DGLUCY: variants seen among roughly 807,000 people sequenced by gnomAD.
The protein encoded by DGLUCY is D-glutamate cyclase, mitochondrial.
DGLUCY carries 58 observed loss-of-function variants against 58.5 expected under a neutral mutation model. The ratio of observed to expected loss-of-function variants is 0.99; its 90% confidence interval spans 0.80 to 1.23. DGLUCY has a LOEUF of 1.23. Among genes scored for constraint, DGLUCY ranks in the 50% most tolerant of loss-of-function variants. The pLI, the probability that DGLUCY is intolerant of heterozygous loss-of-function variation, is 0.00. For synonymous variants in DGLUCY, 325 were observed against 314.1 expected, an observed-to-expected ratio of 1.03 and a Z score of -0.37; for missense variants, 779 against 784.7, an observed-to-expected ratio of 0.99 and a Z score of 0.09.
At chr14:91,182,955 A>T (rs1469023228) in intron 8 of DGLUCY, among the ~76,000 whole-genome samples, 2 of 145,620 alleles carry the variant, frequency 1.4e-5, no homozygotes, top group African/African-American at 5.1e-5. Context: ...ATTTTTATTT[A>T]TTTTTATTTT....
At chr14:91,134,461 A>G (rs1291393019) in intron 1 of DGLUCY, among the ~76,000 whole-genome samples, 1 of 149,894 alleles carries the variant, frequency 6.7e-6, no homozygotes, top group Non-Finnish European at 1.5e-5. Flanking sequence ...TTTCTGGGAT[A>G]GAGTCTCCAT....
At chr14:91,139,108 AT>A (rs2046505560) in intron 1 of DGLUCY, among the ~76,000 whole-genome samples, 1 of 152,296 alleles carries the variant, frequency 6.6e-6, no homozygotes, top group East Asian at 1.9e-4. Flanking sequence ...AAGTTCCACT[AT>A]CTGCCATCTG....
chr14:91,110,046 C>T (rs948323498), upstream of DGLUCY, among the ~76,000 whole-genome samples: 1 of 152,174 alleles, frequency 6.6e-6, no homozygotes, highest in African/African-American at 2.4e-5. Flanking sequence ...AATTTCTTTT[C>T]TTTTTTTCCC....
At chr14:91,086,776 C>G (rs1455535686) in intron 1 of DGLUCY, among the ~76,000 whole-genome samples, 1 of 152,046 alleles carries the variant, frequency 6.6e-6, no homozygotes, top group Non-Finnish European at 1.5e-5. Flanking sequence ...AATTTTGAGA[C>G]AGAGTTTCAC....
intron 1 of DGLUCY, among the ~76,000 whole-genome samples, chr14:91,108,487 T>TTGTGTGTGTGTGTGTG (rs34711327): frequency 1.3e-5 from 1 of 74,936 alleles, no homozygotes; most frequent in African/African-American, 5.7e-5. Context: ...CTTGAAGAAT[T>TTGTGTGTGTGTGTGTG]TGTGTGTGTG....
In DGLUCY at chr14:91,128,740, G is replaced by T. The variant is rs2045865423; in HGVS notation, c.-82+14457G>T. ...AGCTCTAGGCTCACAGTGCATTTATGTCTAGCAATCCTCTTAGATTCTGAG... is the reference window on the plus strand; with the variant it reads ...AGCTCTAGGCTCACAGTGCATTTATTTCTAGCAATCCTCTTAGATTCTGAG... On this transcript the variant is annotated intron_variant, in intron 1 of 13. Coordinates refer to ENST00000256324, the MANE Select transcript of DGLUCY (RefSeq NM_001102368.3). 2.0e-5 allele frequency: 3 copies of T among 151,848 alleles called. No homozygotes were observed. In the South Asian group the frequency reaches 6.2e-4, roughly 32 times the overall value. The allele number at this position is 151,848 out of a possible 1,614,324, so 9.4% of individuals were successfully genotyped here. A position where few individuals can be genotyped will look rare whatever the true frequency, so the allele number is the denominator to read the frequency against.
chr14:91,204,863 C>A, intron 12 of DGLUCY, 38 bp downstream of exon 12: 1 of 1,612,626 alleles, frequency 6.2e-7, no homozygotes, highest in South Asian at 1.1e-5. Context: ...GGCCGGCTAC[C>A]CAGGGTGAGC....
At position 91,224,813 on chromosome 14, in the gene DGLUCY, G is replaced by T. The variant is rs148051089; in HGVS notation, c.1846G>T (p.Val616Phe). Residue 616 changes from valine (V) to phenylalanine (F), a missense_variant, in exon 14 of 14, where the codon GTC becomes TTC. Physicochemically the swap from Val to Phe is conservative, Grantham distance 50. Transcript: ENST00000256324. ...HAEMIQKLVD[V>F]TTAQV ...CGAGATGATCCAGAAGCTGGTGGAC[G>T]TCACCACGGCACAGGTGTAACCGTC... 8.7e-6 allele frequency: 14 copies of T among 1,612,786 alleles called. No homozygotes were observed. In the South Asian group the frequency reaches 1.5e-4, roughly 18 times the overall value.
chr14:91,090,717 G>A (rs989571908), intron 1 of DGLUCY, among the ~76,000 whole-genome samples: 2 of 152,184 alleles, frequency 1.3e-5, no homozygotes, highest in Non-Finnish European at 2.9e-5. Context: ...CAGGACTGAT[G>A]GGAAGAAGGA....
At position 91,196,411 on chromosome 14, in the gene DGLUCY, A is replaced by G; in HGVS notation, c.1232A>G (p.Gln411Arg). The G allele has an allele frequency of 6.2e-7, 1 of 1,614,068 alleles. No individual in the cohort carries two copies. The highest frequency in any genetic ancestry group is 8.5e-7 in the Non-Finnish European group (1 of 1,180,010). The stretch of plus-strand genomic sequence containing the variant: ...ACGCAGATCCCGATATTAACTTACC[A>G]AGGTGGATCAGTGGAAGCTGCTCAG... ...LKTQIPILTYQGGSVEAAQAF... is the reference protein window; with the variant it reads ...LKTQIPILTYRGGSVEAAQAF... Residue 411 changes from glutamine (Q) to arginine (R), a missense_variant, in exon 10 of 14, where the codon CAA becomes CGA. Transcript: ENST00000256324.
In DGLUCY at chr14:91,189,210, G is replaced by C. The variant is rs79397224; in HGVS notation, c.1195+40G>C. 1.9e-6 allele frequency: 3 copies of C among 1,608,876 alleles called. No homozygotes were observed. The East Asian group carries it at 6.7e-5, about 36-fold the overall frequency. ...GGGCTTGGTCCATTTCCCCAAACGG[G>C]CTTTGTGGACGGAGGCTGGAGGGAA... On this transcript the variant is annotated intron_variant, in intron 9 of 13. Coordinates refer to ENST00000256324, the MANE Select transcript of DGLUCY (RefSeq NM_001102368.3).
At chr14:91,146,980 C>T (rs2047046724) in intron 1 of DGLUCY, among the ~76,000 whole-genome samples, 1 of 151,894 alleles carries the variant, frequency 6.6e-6, no homozygotes, top group African/African-American at 2.4e-5. Context: ...AGCTGCACGG[C>T]CAGGGAAGAA....
upstream of DGLUCY, among the ~76,000 whole-genome samples, chr14:91,113,625 C>T (rs983342389): frequency 1.3e-5 from 2 of 152,174 alleles, no homozygotes; most frequent in East Asian, 3.9e-4. Flanking sequence ...ATCACCCTTG[C>T]TATTCACAGT....
At chr14:91,072,223 C>G (rs887425976) in intron 1 of DGLUCY, among the ~76,000 whole-genome samples, 24 of 151,796 alleles carry the variant, frequency 1.6e-4, no homozygotes, top group African/African-American at 5.8e-4. Context: ...ACTCGGGAGG[C>G]TGAGGCACGA....
chr14:91,200,752 C>A (rs1011818935), intron 11 of DGLUCY, among the ~76,000 whole-genome samples: 1 of 152,002 alleles, frequency 6.6e-6, no homozygotes, highest in African/African-American at 2.4e-5. Flanking sequence ...ATGTCACGTG[C>A]GTCTGTGTGA....
intron 12 of DGLUCY, among the ~76,000 whole-genome samples, chr14:91,212,190 C>G (rs1885786790): frequency 6.6e-6 from 1 of 152,168 alleles, no homozygotes; most frequent in Non-Finnish European, 1.5e-5. Context: ...TTTCAAACTT[C>G]TGCCCTGCAA....
At chr14:91,186,449 G>A (rs1718803580) in intron 8 of DGLUCY, among the ~76,000 whole-genome samples, 1 of 152,084 alleles carries the variant, frequency 6.6e-6, no homozygotes, top group African/African-American at 2.4e-5. Context: ...GTTTCACCAT[G>A]TTGGCCAGGC....
intron 5 of DGLUCY, among the ~76,000 whole-genome samples, chr14:91,171,502 C>T (rs1354586461): frequency 2.0e-5 from 3 of 152,214 alleles, no homozygotes; most frequent in Non-Finnish European, 4.4e-5. Flanking sequence ...CACCCCCAGA[C>T]GGGATGTGTC....
chr14:91,067,819 G>C (rs2043848514), intron 1 of DGLUCY, among the ~76,000 whole-genome samples: 1 of 152,010 alleles, frequency 6.6e-6, no homozygotes, highest in Non-Finnish European at 1.5e-5. Context: ...CAAAATGCTG[G>C]GATTACAGGC....
Sources: gnomAD v4.1 joint callset for allele counts (sites outside exome capture counted in the v4.1 genomes callset) on GRCh38, gnomAD v4.1.1 for gene constraint, MANE v1.5 for transcripts, NCBI Gene and HGNC (gene_info 2026-07-23, HGNC 2026-07-21) for gene names.